Variants in MUSK observed in about 807,000 individuals in gnomAD.
MUSK encodes the protein muscle associated receptor tyrosine kinase, also known as muscle, skeletal receptor tyrosine-protein kinase.
MUSK carries 55 observed loss-of-function variants against 88.7 expected under a neutral mutation model. The ratio of observed to expected loss-of-function variants is 0.62; its 90% CI spans 0.50 to 0.78. The LOEUF (loss-of-function observed/expected upper bound fraction) is 0.78, where lower values mean the gene tolerates loss of function less well. Among genes scored for constraint, MUSK ranks in the 30% least tolerant of loss-of-function variants. MUSK has a pLI of 0.00. For missense variants in MUSK, 1,015 were observed against 1,074.3 expected (o/e 0.94, Z 0.77); for synonymous variants, 387 against 391.9 (o/e 0.99, Z 0.15).
intron 9 of MUSK, among the ~76,000 whole-genome samples, chr9:110,768,964 A>C (rs1287492605): frequency 2.0e-5 from 3 of 152,196 alleles, no homozygotes; most frequent in Non-Finnish European, 4.4e-5. Flanking sequence ...CTTCTTATGT[A>C]GAAAAAAAAG....
chr9:110,786,323 A>AAG (rs1361692569), intron 13 of MUSK, among the ~76,000 whole-genome samples: 1 of 151,370 alleles, frequency 6.6e-6, no homozygotes, highest in Non-Finnish European at 1.5e-5. Flanking sequence ...AAAAAAAAAA[A>AAG]AAAAGAAAAG....
At chr9:110,694,410 A>AC (rs1564224253) in intron 3 of MUSK, among the ~76,000 whole-genome samples, 11 of 143,424 alleles carry the variant, frequency 7.7e-5, no homozygotes, top group Admixed American at 1.3e-4. Flanking sequence ...AAAAAAACAA[A>AC]AAAACAAAAC....
At chr9:110,670,717 A>G (rs953353643) in intron 1 of MUSK, among the ~76,000 whole-genome samples, 4 of 152,180 alleles carry the variant, frequency 2.6e-5, no homozygotes, top group Non-Finnish European at 5.9e-5. Context: ...TTTATTTACT[A>G]CTAGAATTAG....
intron 6 of MUSK, among the ~76,000 whole-genome samples, chr9:110,742,638 C>G: frequency 6.6e-6 from 1 of 152,098 alleles, no homozygotes; most frequent in Non-Finnish European, 1.5e-5. Flanking sequence ...TTAGGAATAA[C>G]AAGAGTAGGA....
chr9:110,765,718 T>C (rs1353845849), intron 8 of MUSK, among the ~76,000 whole-genome samples: 1 of 151,760 alleles, frequency 6.6e-6, no homozygotes, highest in Non-Finnish European at 1.5e-5. Context: ...GGATTACAGA[T>C]GTCCGCCACC....
chr9:110,678,716 C>CTA lies in MUSK; in HGVS notation c.80-3957_80-3956insAT, dbSNP rs371394936. Reference sequence around the variant, plus strand: ...GTGGTCCAAGAATGTGACATATAATCTGTTTTTAAAATTTATTTAAGCTTT... The same window carrying CTA: ...GTGGTCCAAGAATGTGACATATAATCTATGTTTTTAAAATTTATTTAAGCTTT... On this transcript the variant is annotated intron_variant, in intron 1 of 14. Coordinates refer to ENST00000374448, the MANE Select transcript of MUSK (RefSeq NM_005592.4). Among the ~76,000 whole-genome samples, 351 of 152,034 alleles carry CTA rather than the reference C, an allele frequency of 2.3e-3. 5 individuals carry two copies. Among genetic ancestry groups the CTA allele is most frequent in the South Asian group, 0.022 (104 of 4,816 alleles).
rs2077191755 is a variant in MUSK, at chr9:110,747,696, T to C, written c.809T>C (p.Leu270Pro). The C allele has an allele frequency of 1.3e-5, 21 of 1,613,880 alleles. No individual in the cohort carries two copies. Among genetic ancestry groups the C allele is most frequent in the Non-Finnish European group, 1.8e-5 (21 of 1,179,788 alleles). Residue 270 changes from leucine (L) to proline (P), a missense_variant, in exon 7 of 15, where the codon CTG becomes CCG. Coordinates refer to ENST00000374448, the MANE Select transcript of MUSK (RefSeq NM_005592.4). Reference protein sequence around the residue: ...SVKDRVIDSRLQLFITKPGLY... With the variant: ...SVKDRVIDSRPQLFITKPGLY... Reference sequence around the variant, plus strand: ...AAAGACCGAGTGATTGACTCAAGACTGCAGCTGTTTATCACCAAGCCAGGA... The same window carrying C: ...AAAGACCGAGTGATTGACTCAAGACCGCAGCTGTTTATCACCAAGCCAGGA...
At chr9:110,719,862 T>C (rs1055125499) in intron 5 of MUSK, among the ~76,000 whole-genome samples, 3 of 152,066 alleles carry the variant, frequency 2.0e-5, no homozygotes, top group African/African-American at 7.2e-5. Context: ...TCTCAGTGAA[T>C]TTGAGAAAAT....
intron 5 of MUSK, among the ~76,000 whole-genome samples, chr9:110,716,861 C>A (rs1053217161): frequency 4.7e-5 from 7 of 149,966 alleles, no homozygotes; most frequent in African/African-American, 1.8e-4. Context: ...GCATTTTTAA[C>A]CTTTGGATGA....
At chr9:110,715,376 A>C (rs2076731628) in intron 5 of MUSK, among the ~76,000 whole-genome samples, 1 of 149,644 alleles carries the variant, frequency 6.7e-6, no homozygotes, top group Non-Finnish European at 1.5e-5. Context: ...GAAGTTGAAC[A>C]GCAACTCAGA....
In MUSK at chr9:110,730,164, T is replaced by C. The variant is rs563188814; in HGVS notation, c.629-4087T>C. On this transcript the variant is annotated intron_variant, in intron 5 of 14. Transcript: ENST00000374448. The stretch of plus-strand genomic sequence containing the variant: ...AAGAGACATTAAAGCCCCAAACTCA[T>C]GAATAGATCCCATGAGAGAAAACCC... Among the ~76,000 whole-genome samples, 8 of 152,052 alleles carry C rather than the reference T, an allele frequency of 5.3e-5. No homozygotes were observed. The South Asian group carries it at 1.7e-3, about 32-fold the overall frequency.
intron 7 of MUSK, chr9:110,761,950 G>A (rs2077408425): frequency 1.0e-6 from 1 of 983,208 alleles, no homozygotes; most frequent in Admixed American, 6.1e-5. Flanking sequence ...TGCCTTGGTG[G>A]ATGTTACCCA....
chr9:110,737,022 C>T (rs1030971374), intron 6 of MUSK, among the ~76,000 whole-genome samples: 3 of 152,034 alleles, frequency 2.0e-5, no homozygotes, highest in African/African-American at 7.2e-5. Flanking sequence ...TTTGATTTAT[C>T]TCCTGACTCC....
At chr9:110,673,364 C>A (rs1368157243) in intron 1 of MUSK, among the ~76,000 whole-genome samples, 2 of 152,150 alleles carry the variant, frequency 1.3e-5, no homozygotes, top group African/African-American at 2.4e-5. Flanking sequence ...CATTTTTAGT[C>A]CCCATTTCTG....
chr9:110,769,333 G>A (rs932405998), intron 9 of MUSK, among the ~76,000 whole-genome samples: 1 of 152,182 alleles, frequency 6.6e-6, no homozygotes, highest in African/African-American at 2.4e-5. Context: ...TGCAAAGTTT[G>A]AGGGTTTGGA....
intron 13 of MUSK, 80 bp downstream of exon 13, chr9:110,785,798 A>G (rs2077847453): frequency 1.0e-6 from 1 of 955,912 alleles, no homozygotes; most frequent in African/African-American, 1.7e-5. Context: ...CTTGGTATAT[A>G]TATAATATTA....
At chr9:110,703,897 G>A (rs72754594) in intron 5 of MUSK, among the ~76,000 whole-genome samples, 20,878 of 152,050 alleles carry the variant, frequency 0.14, 1,807 homozygotes, top group East Asian at 0.2. Context: ...AGTCCCAATC[G>A]GTAAAAATGA....
intron 5 of MUSK, chr9:110,728,560 C>T (rs946945562): frequency 3.0e-6 from 2 of 676,134 alleles, no homozygotes; most frequent in Admixed American, 2.5e-5. Flanking sequence ...AAATAAGAAA[C>T]AAGCAGCTTC....
intron 1 of MUSK, among the ~76,000 whole-genome samples, chr9:110,671,864 G>C (rs1339949537): frequency 6.6e-6 from 1 of 152,196 alleles, no homozygotes; most frequent in Non-Finnish European, 1.5e-5. Flanking sequence ...TGCTTAATAT[G>C]CACAAAGAAC....
Sources: gnomAD v4.1 joint callset for allele counts (sites outside exome capture counted in the v4.1 genomes callset) on GRCh38, gnomAD v4.1.1 for gene constraint, MANE v1.5 for transcripts, NCBI Gene and HGNC (gene_info 2026-07-23, HGNC 2026-07-21) for gene names.